The following ZBBX variants were observed in gnomAD, a reference collection of about 807,000 sequenced individuals.
The protein encoded by ZBBX is zinc finger B-box domain containing.
Under a neutral mutation model 108.5 loss-of-function variants are expected in ZBBX, and 101 were observed. The ratio of observed to expected loss-of-function variants is 0.93; its 90% CI spans 0.79 to 1.10. The LOEUF (loss-of-function observed/expected upper bound fraction) is 1.10. Among genes scored for constraint, ZBBX ranks in the 50% least tolerant of loss-of-function variants. ZBBX has a pLI of 0.00. For synonymous variants in ZBBX, 356 were observed against 323.4 expected, an observed-to-expected ratio of 1.10 and a Z score of -1.08; for missense variants, 1,009 against 941.4, an observed-to-expected ratio of 1.07 and a Z score of -0.94.
At chr3:167,238,207 A>G (rs1205189377), downstream of ZBBX, among the ~76,000 whole-genome samples, 1 of 152,052 alleles carries the variant, frequency 6.6e-6, no homozygotes, top group African/African-American at 2.4e-5. Flanking sequence ...GAAAGCCAGT[A>G]GTGTCAGGAC....
At chr3:167,280,404 C>T (rs1309035375) in intron 20 of ZBBX, among the ~76,000 whole-genome samples, 1 of 150,466 alleles carries the variant, frequency 6.6e-6, no homozygotes, top group African/African-American at 2.4e-5. Flanking sequence ...AACAAATTTA[C>T]AAGAAAAAAA....
At chr3:167,275,763 G>T (rs1259015316) in intron 20 of ZBBX, among the ~76,000 whole-genome samples, 1 of 152,196 alleles carries the variant, frequency 6.6e-6, no homozygotes, top group Non-Finnish European at 1.5e-5. Flanking sequence ...AGCTCGAACT[G>T]GGTGGAGCCC....
chr3:167,334,822 G>A (rs749075197), intron 9 of ZBBX, among the ~76,000 whole-genome samples: 3 of 152,096 alleles, frequency 2.0e-5, no homozygotes, highest in Non-Finnish European at 4.4e-5. Flanking sequence ...ACTACTCCAT[G>A]GTGATAAAAC....
chr3:167,400,871 T>C (rs1748404371), intron 1 of ZBBX, among the ~76,000 whole-genome samples: 1 of 152,140 alleles, frequency 6.6e-6, no homozygotes, highest in Non-Finnish European at 1.5e-5. Flanking sequence ...TTTGAGTTTC[T>C]GATTAGCCTC....
At chr3:167,327,644 C>T (rs140584152) in intron 11 of ZBBX, among the ~76,000 whole-genome samples, 17 of 152,194 alleles carry the variant, frequency 1.1e-4, no homozygotes, top group African/African-American at 3.6e-4. Context: ...GGGCTGGGCA[C>T]AGTGGCTCAT....
intron 9 of ZBBX, among the ~76,000 whole-genome samples, chr3:167,348,314 G>GAGAAAGAAAGAA (rs71176641): frequency 0.029 from 1,885 of 65,520 alleles, 54 homozygotes; most frequent in Middle Eastern, 0.037. Flanking sequence ...GAGAAAGAAA[G>GAGAAAGAAAGAA]AGAAAGAAAG....
At chr3:167,347,998 A>T (rs1407217007) in intron 9 of ZBBX, among the ~76,000 whole-genome samples, 1 of 152,018 alleles carries the variant, frequency 6.6e-6, no homozygotes, top group Non-Finnish European at 1.5e-5. Flanking sequence ...TATGTAATCC[A>T]TGTATGCTAA....
chr3:167,319,220 T>C (rs564354896), intron 12 of ZBBX, among the ~76,000 whole-genome samples: 1 of 152,122 alleles, frequency 6.6e-6, no homozygotes, highest in Admixed American at 6.6e-5. Flanking sequence ...TATTGATTCA[T>C]ACAAGAACAT....
the ZBBX span, among the ~76,000 whole-genome samples, chr3:167,233,511 A>G: frequency 6.6e-6 from 1 of 151,548 alleles, no homozygotes; most frequent in Admixed American, 6.6e-5. Flanking sequence ...CAAGAAAAGC[A>G]CCCATGATCA....
In ZBBX at chr3:167,314,061, G is replaced by A. The variant is rs1294926682; in HGVS notation, c.1330C>T (p.Gln444Ter). 2 of 1,606,032 alleles carry A rather than the reference G, an allele frequency of 1.2e-6. No homozygotes were observed. Among genetic ancestry groups the A allele is most frequent in the Admixed American group, 3.4e-5 (2 of 59,006 alleles). ...TTTCCCTTATCGAAAACATGATGTTGATGGATGCCATTTTCATATGGAAAG... is the reference window on the plus strand; with the variant it reads ...TTTCCCTTATCGAAAACATGATGTTAATGGATGCCATTTTCATATGGAAAG... Reference protein sequence around the residue: ...NSFPYENGIHQHHVFDKGKRD... With the variant: ...NSFPYENGIH Residue 444 changes from glutamine to a stop codon, truncating the protein, a stop_gained, in exon 16 of 22, where the codon CAA becomes TAA. Coordinates refer to ENST00000675490, the MANE Select transcript of ZBBX (RefSeq NM_001199201.2). LOFTEE classifies it high-confidence loss of function.
intron 1 of ZBBX, among the ~76,000 whole-genome samples, chr3:167,404,416 T>C (rs371565912): frequency 8.5e-5 from 13 of 152,242 alleles, no homozygotes; most frequent in Non-Finnish European, 1.6e-4. Flanking sequence ...CTAGGTCCCA[T>C]TGCTCGCCAC....
intron 4 of ZBBX, among the ~76,000 whole-genome samples, chr3:167,370,361 G>T (rs146921874): frequency 2.6e-5 from 4 of 152,314 alleles, no homozygotes; most frequent in Non-Finnish European, 5.9e-5. Flanking sequence ...TATTTGAGCT[G>T]TCAGGAGGAC....
chr3:167,330,951 C>CTCTCTCTCTCTCTCTCTG (rs1553820829), intron 10 of ZBBX, among the ~76,000 whole-genome samples: 1 of 135,848 alleles, frequency 7.4e-6, no homozygotes, highest in African/African-American at 2.8e-5. Flanking sequence ...TTCTTTCTCT[C>CTCTCTCTCTCTCTCTCTG]TCTCTCTCTC....
chr3:167,346,587 C>CT (rs1741494384), intron 9 of ZBBX, among the ~76,000 whole-genome samples: 1 of 151,876 alleles, frequency 6.6e-6, no homozygotes, highest in Admixed American at 6.6e-5. Context: ...GCCTAGAATA[C>CT]TTGCTTTTTA....
intron 20 of ZBBX, among the ~76,000 whole-genome samples, chr3:167,243,748 C>CTTGT (rs1721088041): frequency 1.4e-5 from 1 of 70,872 alleles, no homozygotes; most frequent in African/African-American, 6.1e-5. Context: ...GTGGACTTGA[C>CTTGT]TTTTTTTTTT....
chr3:167,232,386 T>C, the ZBBX span, among the ~76,000 whole-genome samples: 1 of 151,810 alleles, frequency 6.6e-6, no homozygotes, highest in African/African-American at 2.4e-5. Flanking sequence ...TTGGCATCTA[T>C]CTGATAGCAG....
intron 19 of ZBBX, among the ~76,000 whole-genome samples, chr3:167,283,363 T>A (rs531310940): frequency 7.3e-4 from 111 of 152,276 alleles, no homozygotes; most frequent in African/African-American, 2.6e-3. Flanking sequence ...GGCAGGTAAA[T>A]GCTTTAATGT....
At chr3:167,328,606 C>G (rs1019426587) in intron 10 of ZBBX, among the ~76,000 whole-genome samples, 5 of 152,124 alleles carry the variant, frequency 3.3e-5, no homozygotes, top group African/African-American at 9.7e-5. Context: ...CTTGTATTTC[C>G]TTGCCTTTTA....
At chr3:167,232,434 A>G in the ZBBX span, among the ~76,000 whole-genome samples, 2 of 151,820 alleles carry the variant, frequency 1.3e-5, no homozygotes, top group African/African-American at 4.8e-5. Context: ...TATTATCATT[A>G]TCACTTATTT....
Sources: allele counts gnomAD v4.1 joint callset (sites outside exome capture counted in the v4.1 genomes callset), GRCh38; gene constraint gnomAD v4.1.1; transcripts MANE v1.5; gene names NCBI Gene and HGNC (gene_info 2026-07-23, HGNC 2026-07-21).